Variants in CHST8 observed in about 807,000 individuals in gnomAD.
CHST8 encodes the protein carbohydrate sulfotransferase 8.
CHST8 carries 10 observed loss-of-function variants against 15.0 expected under a neutral mutation model. That is an observed-to-expected ratio of 0.67 (90% CI 0.41 to 1.13). The LOEUF (loss-of-function observed/expected upper bound fraction) is 1.13, where lower values mean the gene tolerates loss of function less well. Ranked by LOEUF, CHST8 falls within the 50% of genes most tolerant of loss-of-function variation. The pLI, the probability that CHST8 is intolerant of heterozygous loss-of-function variation, is 0.00. For synonymous variants in CHST8, 259 were observed against 256.6 expected, an observed-to-expected ratio of 1.01 and a Z score of -0.09; for missense variants, 634 against 608.2, an observed-to-expected ratio of 1.04 and a Z score of -0.45.
At chr19:33,769,395 C>A (rs915714242) in intron 3 of CHST8, among the ~76,000 whole-genome samples, 1 of 152,198 alleles carries the variant, frequency 6.6e-6, no homozygotes, top group Non-Finnish European at 1.5e-5. Context: ...TTTCCCATAT[C>A]TGAGACTCTG....
chr19:33,701,158 A>G (rs1973327409), intron 3 of CHST8, among the ~76,000 whole-genome samples: 1 of 152,056 alleles, frequency 6.6e-6, no homozygotes, highest in Admixed American at 6.5e-5. Context: ...CTCTGCAGTG[A>G]AAGTTTCTCA....
rs75641568 is a variant in CHST8 at position 33,660,092 on chromosome 19, C to T, written c.-163-7675C>T. ...CTGTGGTGGCCTGCAGGGCTCCTTGCTGTGTCTGACCAGCCTTCCTCTGTG... is the reference window on the plus strand; with the variant it reads ...CTGTGGTGGCCTGCAGGGCTCCTTGTTGTGTCTGACCAGCCTTCCTCTGTG... On this transcript the variant is annotated intron_variant, in intron 1 of 4. Coordinates refer to ENST00000650847, the MANE Select transcript of CHST8 (RefSeq NM_001127895.2). Among the ~76,000 whole-genome samples, 466 of 152,322 alleles carry T rather than the reference C, an allele frequency of 3.1e-3. 1 individual carries two copies. The highest frequency in any genetic ancestry group is 0.01 in the African/African-American group (427 of 41,570).
chr19:33,739,162 G>A (rs184425888), intron 3 of CHST8, among the ~76,000 whole-genome samples: 5 of 152,186 alleles, frequency 3.3e-5, no homozygotes, highest in African/African-American at 1.2e-4. Context: ...AGTTCTGGGA[G>A]ATTTAGAATC....
At chr19:33,680,155 C>G (rs916951846) in intron 2 of CHST8, among the ~76,000 whole-genome samples, 1 of 152,246 alleles carries the variant, frequency 6.6e-6, no homozygotes, top group African/African-American at 2.4e-5. Flanking sequence ...GAGAACCAAA[C>G]CTGTGGCAAA....
At chr19:33,676,443 G>A (rs1422396516) in intron 2 of CHST8, among the ~76,000 whole-genome samples, 1 of 151,984 alleles carries the variant, frequency 6.6e-6, no homozygotes, top group Admixed American at 6.6e-5. Context: ...GGTGGCACAC[G>A]CCTGTAGTCC....
intron 3 of CHST8, among the ~76,000 whole-genome samples, chr19:33,710,877 T>TTTTTTG (rs1973535467): frequency 6.6e-6 from 1 of 151,776 alleles, no homozygotes; most frequent in African/African-American, 2.4e-5. Flanking sequence ...CTGGAGTTTT[T>TTTTTTG]TTTTTTTTTT....
At chr19:33,766,157 T>C (rs1974838175) in intron 3 of CHST8, among the ~76,000 whole-genome samples, 1 of 151,858 alleles carries the variant, frequency 6.6e-6, no homozygotes, top group Non-Finnish European at 1.5e-5. Flanking sequence ...TTCTTCTTCC[T>C]TTCCTCCTTC....
intron 3 of CHST8, among the ~76,000 whole-genome samples, chr19:33,694,169 C>T (rs1186151739): frequency 5.0e-5 from 2 of 40,168 alleles, no homozygotes; most frequent in African/African-American, 1.4e-4. Flanking sequence ...GTAGTTTATT[C>T]ATATATATAT....
At chr19:33,661,085 T>C (rs1235791885) in intron 1 of CHST8, among the ~76,000 whole-genome samples, 3 of 152,082 alleles carry the variant, frequency 2.0e-5, no homozygotes, top group Non-Finnish European at 2.9e-5. Context: ...GACCGGCTTG[T>C]TGACATGCCC....
At chr19:33,672,461 A>C (rs2145233654) in intron 2 of CHST8, among the ~76,000 whole-genome samples, 1 of 152,298 alleles carries the variant, frequency 6.6e-6, no homozygotes, top group Admixed American at 6.5e-5. Flanking sequence ...GGCCTCCCAA[A>C]GTGCTGGGAT....
intron 3 of CHST8, among the ~76,000 whole-genome samples, chr19:33,724,961 CT>C (rs767281222): frequency 3.3e-5 from 5 of 152,190 alleles, no homozygotes; most frequent in Non-Finnish European, 5.9e-5. Flanking sequence ...CCAGCAGATG[CT>C]GGGGGTTGGG....
chr19:33,697,178 T>C (rs1973235205), intron 3 of CHST8, among the ~76,000 whole-genome samples: 1 of 152,088 alleles, frequency 6.6e-6, no homozygotes, highest in Admixed American at 6.6e-5. Flanking sequence ...TCATGTCCTG[T>C]GCCCACTTTT....
intron 3 of CHST8, among the ~76,000 whole-genome samples, chr19:33,707,638 T>C (rs749252892): frequency 1.7e-4 from 26 of 152,244 alleles, no homozygotes; most frequent in Non-Finnish European, 3.5e-4. Context: ...TACATGGAAT[T>C]GCGGTTGATC....
In CHST8 at chr19:33,622,108, C is replaced by G. The variant is rs1470882866; in HGVS notation, c.-352C>G. 1 of 152,292 alleles carries G rather than the reference C, an allele frequency of 6.6e-6. No homozygotes were observed. Among genetic ancestry groups the G allele is most frequent in the African/African-American group, 2.4e-5 (1 of 41,458 alleles). The allele number at this position is 152,292 out of a possible 1,614,324, so 9.4% of individuals were successfully genotyped here. A position where few individuals can be genotyped will look rare whatever the true frequency, so the allele number is the denominator to read the frequency against. On this transcript the variant is annotated 5_prime_UTR_variant, in exon 1 of 5. Coordinates refer to ENST00000650847, the MANE Select transcript of CHST8 (RefSeq NM_001127895.2). ...CGCGCCCTCTCGCTCCCCGCACGCT[C>G]CGGCTGCCGGCCCCACGCTGCTCGC...
chr19:33,751,624 C>T (rs1368357951), intron 3 of CHST8, among the ~76,000 whole-genome samples: 1 of 152,180 alleles, frequency 6.6e-6, no homozygotes, highest in Non-Finnish European at 1.5e-5. Flanking sequence ...CCACCGTCCC[C>T]GGGCACTGGC....
intron 3 of CHST8, among the ~76,000 whole-genome samples, chr19:33,764,876 T>C (rs1161992035): frequency 1.3e-5 from 2 of 151,968 alleles, no homozygotes; most frequent in South Asian, 2.1e-4. Flanking sequence ...CAAAATCCAC[T>C]GTATCATTCT....
chr19:33,723,931 A>G lies in CHST8; in HGVS notation c.130+34540A>G, dbSNP rs113939283. On this transcript the variant is annotated intron_variant, in intron 3 of 4. Coordinates refer to ENST00000650847, the MANE Select transcript of CHST8 (RefSeq NM_001127895.2). ...GGTGGTGCCACCTCATCCAAACCAC[A>G]GGGGCTGAGAGTGGGGAGGAGTAGC... 3.4e-3 allele frequency among the ~76,000 whole-genome samples: 523 copies of G among 152,302 alleles called. 5 individuals carry two copies. The highest frequency in any genetic ancestry group is 0.012 in the African/African-American group (506 of 41,552).
rs374587915 is a variant in CHST8 at position 33,648,004 on chromosome 19, A to T, written c.-163-19763A>T. Among the ~76,000 whole-genome samples the T allele has an allele frequency of 5.3e-5, 8 of 152,166 alleles. No individual in the cohort carries two copies. In the South Asian group the frequency reaches 1.7e-3, roughly 32 times the overall value. ...TATGCTGATGAGACTGATAGAATAG[A>T]ATGTGAAAAACAGGTAGTTCAGAGG... On this transcript the variant is annotated intron_variant, in intron 1 of 4. Transcript: ENST00000650847.
chr19:33,740,441 T>C (rs1974164068), intron 3 of CHST8, among the ~76,000 whole-genome samples: 2 of 152,234 alleles, frequency 1.3e-5, no homozygotes, highest in African/African-American at 4.8e-5. Flanking sequence ...GCATCTGCCA[T>C]GCAAGGAGGG....
Sources: gnomAD v4.1 joint callset for allele counts (sites outside exome capture counted in the v4.1 genomes callset) on GRCh38, gnomAD v4.1.1 for gene constraint, MANE v1.5 for transcripts, NCBI Gene and HGNC (gene_info 2026-07-23, HGNC 2026-07-21) for gene names.